The following CRISPLD2 variants were observed in gnomAD, a reference collection of about 807,000 sequenced individuals.
CRISPLD2 encodes the protein cysteine-rich secretory protein LCCL domain-containing 2.
A neutral mutation model predicts 71.1 loss-of-function variants in CRISPLD2; 47 were observed. That is an observed-to-expected ratio of 0.66 (90% CI 0.52 to 0.84). The LOEUF (loss-of-function observed/expected upper bound fraction) is 0.84, where lower values mean the gene tolerates loss of function less well. Ranked by LOEUF, CRISPLD2 falls within the 40% of genes least tolerant of loss-of-function variation. CRISPLD2 has a pLI of 0.00. For synonymous variants in CRISPLD2, 317 were observed against 250.1 expected (o/e 1.27, Z -2.52); for missense variants, 830 against 651.1 (o/e 1.27, Z -2.99).
chr16:84,877,282 G>T (rs1483539272), intron 11 of CRISPLD2, among the ~76,000 whole-genome samples, 156 bp from the exon 12 acceptor site: 1 of 152,134 alleles, frequency 6.6e-6, no homozygotes, highest in African/African-American at 2.4e-5. Flanking sequence ...GCCCCTACGT[G>T]GGGTACGAGG....
At chr16:84,897,028 A>G (rs1042280856) in intron 14 of CRISPLD2, among the ~76,000 whole-genome samples, 2 of 152,096 alleles carry the variant, frequency 1.3e-5, no homozygotes, top group African/African-American at 4.8e-5. Flanking sequence ...TTTCAAGGCA[A>G]TTGAGGGGGA....
chr16:84,873,931 C>T lies in CRISPLD2; in HGVS notation c.1124C>T (p.Pro375Leu). 1 of 1,580,534 alleles carries T rather than the reference C, an allele frequency of 6.3e-7. No individual in the cohort carries two copies. The highest frequency in any genetic ancestry group is 1.2e-5 in the South Asian group (1 of 86,868). Residue 375 changes from proline (P) to leucine (L), a missense_variant, in exon 11 of 15, where the codon CCT becomes CTT. Physicochemically the swap from Pro to Leu is moderately conservative, Grantham distance 98 (BLOSUM62 -3). Transcript: ENST00000262424. The stretch of plus-strand genomic sequence containing the variant: ...TTTTTTTTAAACAGCAAATACAAAC[C>T]TTCCAGCTCATTCATGGTGTCAAAA... ...HGVQSLSKYK[P>L]SSSFMVSKVK...
In CRISPLD2 at chr16:84,845,976, C is replaced by G. The variant is rs151221795; in HGVS notation, c.359+72C>G. 9.9e-4 allele frequency: 948 copies of G among 962,032 alleles called. 2 individuals are homozygous for G. In the African/African-American group the frequency reaches 0.013, roughly 13 times the overall value. The allele number at this position is 962,032 out of a possible 1,614,324, so 59.6% of individuals were successfully genotyped here. On this transcript the variant is annotated intron_variant, in intron 3 of 14. Coordinates refer to ENST00000262424, the MANE Select transcript of CRISPLD2 (RefSeq NM_031476.4). ...GTGTGCCGGGCTCAGCACTTGTGCCCCTTATCAAGTTTAGCCTGCAAAGAG... is the reference window on the plus strand; with the variant it reads ...GTGTGCCGGGCTCAGCACTTGTGCCGCTTATCAAGTTTAGCCTGCAAAGAG...
intron 7 of CRISPLD2, among the ~76,000 whole-genome samples, chr16:84,867,879 A>G (rs1917584699): frequency 6.6e-6 from 1 of 151,934 alleles, no homozygotes; most frequent in Non-Finnish European, 1.5e-5. Context: ...GTCTGCCTTC[A>G]CCGCCCCAGG....
chr16:84,886,594 G>T (rs1289031309), intron 13 of CRISPLD2, among the ~76,000 whole-genome samples: 1 of 152,214 alleles, frequency 6.6e-6, no homozygotes, highest in African/African-American at 2.4e-5. Context: ...AGGCCAAGGT[G>T]GGAGGATCGT....
intron 11 of CRISPLD2, among the ~76,000 whole-genome samples, chr16:84,876,293 G>A (rs2071517661): frequency 6.6e-6 from 1 of 152,220 alleles, no homozygotes; most frequent in African/African-American, 2.4e-5. Context: ...CCTGAGGTCA[G>A]GAGTTTGAGA....
At chr16:84,850,762 C>G in intron 5 of CRISPLD2, 79 bp downstream of exon 5, 1 of 1,113,462 alleles carries the variant, frequency 9.0e-7, no homozygotes, top group Non-Finnish European at 1.4e-6. Context: ...TGAAAACTGG[C>G]TTGAGCAGCG....
chr16:84,897,035 G>T (rs1248114975), intron 14 of CRISPLD2, among the ~76,000 whole-genome samples: 1 of 152,314 alleles, frequency 6.6e-6, no homozygotes, highest in South Asian at 2.1e-4. Flanking sequence ...GCAATTGAGG[G>T]GGATGCAGCC....
chr16:84,886,895 C>G lies in CRISPLD2; in HGVS notation c.1306-2335C>G, dbSNP rs959740912. On this transcript the variant is annotated intron_variant, in intron 13 of 14. Transcript: ENST00000262424. ...AGCTTATTAGCATTAAGCATATTCA[C>G]GTTGTAATGGGTTCGACCTCCAGAA... is the stretch of plus-strand genomic sequence containing the variant. Among the ~76,000 whole-genome samples, 11 of 152,344 alleles carry G rather than the reference C, an allele frequency of 7.2e-5. No homozygotes were observed. In the East Asian group the frequency reaches 2.1e-3, roughly 29 times the overall value.
chr16:84,870,778 G>T (rs780614400), intron 8 of CRISPLD2, among the ~76,000 whole-genome samples: 1 of 152,072 alleles, frequency 6.6e-6, no homozygotes, highest in Non-Finnish European at 1.5e-5. Context: ...AACAGTTGCG[G>T]CCAGGTACGG....
chr16:84,858,812 C>T (rs7200707), intron 6 of CRISPLD2, among the ~76,000 whole-genome samples: 35,257 of 152,176 alleles, frequency 0.23, 4,310 homozygotes, highest in East Asian at 0.52. Context: ...AGGCATTTTC[C>T]AAGTCAGTGG....
intron 6 of CRISPLD2, among the ~76,000 whole-genome samples, chr16:84,863,706 A>G (rs749729073): frequency 1.3e-5 from 2 of 152,244 alleles, no homozygotes; most frequent in South Asian, 4.1e-4. Context: ...GCGGTGGCTC[A>G]TGCCTGTAAT....
Position 84,850,652 on chromosome 16 carries a change from G to A in CRISPLD2, c.577G>A (p.Ala193Thr), listed in dbSNP as rs768656898. The change falls in exon 5 of 15, where the codon GCG becomes ACG. Residue 193 changes from alanine (A) to threonine (T), a missense_variant. Ala to Thr is a moderately conservative substitution (Grantham distance 58). Transcript: ENST00000262424. ...TGTCTGGGGAGAAGTTTGGGAGAACGCGGTCTACTTTGTCTGCAATTATTC... is the reference window on the plus strand; with the variant it reads ...TGTCTGGGGAGAAGTTTGGGAGAACACGGTCTACTTTGTCTGCAATTATTC... ...MTVWGEVWEN[A>T]VYFVCNYSPK... The A allele has an allele frequency of 7.4e-6, 12 of 1,613,958 alleles. No individual in the cohort carries two copies. The highest frequency in any genetic ancestry group is 6.7e-5 in the Admixed American group (4 of 59,988).
chr16:84,882,374 A>C (rs1247337826), intron 13 of CRISPLD2, among the ~76,000 whole-genome samples: 2 of 144,596 alleles, frequency 1.4e-5, no homozygotes, highest in African/African-American at 2.5e-5. Context: ...AAAAAAAAGC[A>C]AGAACTTAAT....
chr16:84,896,442 G>C (rs2071707444), intron 14 of CRISPLD2, among the ~76,000 whole-genome samples: 1 of 152,120 alleles, frequency 6.6e-6, no homozygotes, highest in Admixed American at 6.5e-5. Context: ...AGACACTTAA[G>C]ATCGTTCAAC....
At chr16:84,894,786 C>T (rs1433466217) in intron 14 of CRISPLD2, among the ~76,000 whole-genome samples, 1 of 152,020 alleles carries the variant, frequency 6.6e-6, no homozygotes, top group African/African-American at 2.4e-5. Context: ...GTGTGTTTCA[C>T]CCTTAGGCAC....
intron 14 of CRISPLD2, among the ~76,000 whole-genome samples, chr16:84,895,408 C>G (rs71386874): frequency 0.011 from 1,692 of 152,300 alleles, 9 homozygotes; most frequent in Non-Finnish European, 0.019. Flanking sequence ...CTTTACGATA[C>G]AAGAAATACA....
chr16:84,906,565 G>T (rs1174399537), intron 14 of CRISPLD2, 23 bp from the exon 15 acceptor site: 3 of 1,611,768 alleles, frequency 1.9e-6, no homozygotes, highest in Admixed American at 3.3e-5. Flanking sequence ...TCAGTAACGG[G>T]CCCTCTTTCT....
At chr16:84,863,654 A>G (rs1327749424) in intron 6 of CRISPLD2, among the ~76,000 whole-genome samples, 1 of 152,206 alleles carries the variant, frequency 6.6e-6, no homozygotes, top group African/African-American at 2.4e-5. Flanking sequence ...CTCTGAAGGC[A>G]AATGGGAGGT....
Sources: allele counts gnomAD v4.1 joint callset (sites outside exome capture counted in the v4.1 genomes callset), GRCh38; gene constraint gnomAD v4.1.1; transcripts MANE v1.5; gene names NCBI Gene and HGNC (gene_info 2026-07-23, HGNC 2026-07-21).